The following EXOC6B variants were observed in gnomAD, a reference collection of about 807,000 sequenced individuals.
EXOC6B encodes exocyst complex component 6B, also known as SEC15 homolog B.
In EXOC6B, 54 loss-of-function variants were observed where a neutral mutation model predicts 113.5. The ratio of observed to expected loss-of-function variants is 0.48; its 90% CI spans 0.38 to 0.60. The LOEUF (loss-of-function observed/expected upper bound fraction) is 0.60, where lower values mean the gene tolerates loss of function less well. EXOC6B is among the 20% of genes least tolerant of loss of function. The pLI is 0.00. For synonymous variants in EXOC6B, 357 were observed against 339.0 expected (o/e 1.05, Z -0.58); for missense variants, 797 against 977.5 (o/e 0.82, Z 2.46).
intron 20 of EXOC6B, among the ~76,000 whole-genome samples, chr2:72,205,716 C>T (rs201242755): frequency 1.3e-5 from 2 of 152,118 alleles, no homozygotes; most frequent in East Asian, 1.9e-4. Flanking sequence ...ATGAGGAAGG[C>T]GGTTGATGGC....
chr2:72,741,494 T>C (rs775422617), intron 1 of EXOC6B, 25 bp from the exon 2 acceptor site: 2 of 1,590,206 alleles, frequency 1.3e-6, no homozygotes. Context: ...GGCACGAAGA[T>C]TATACCATGG....
At position 72,428,572 on chromosome 2, in the gene EXOC6B, C is replaced by T. The variant is rs183187633; in HGVS notation, c.1980+36588G>A. 4.0e-3 allele frequency among the ~76,000 whole-genome samples: 611 copies of T among 152,308 alleles called. 12 individuals carry two copies. The highest frequency in any genetic ancestry group is 0.014 in the African/African-American group (598 of 41,568). On this transcript the variant is annotated intron_variant, in intron 18 of 21. Transcript: ENST00000272427. Reference sequence around the variant, plus strand: ...ACACTCCTCCCAATTCCACGCTTGACTTGCAGTCTCCCTTGGAGGCATGGG... The same window carrying T: ...ACACTCCTCCCAATTCCACGCTTGATTTGCAGTCTCCCTTGGAGGCATGGG...
chr2:72,821,304 G>A (rs1260668406), intron 1 of EXOC6B, among the ~76,000 whole-genome samples: 1 of 152,046 alleles, frequency 6.6e-6, no homozygotes, highest in Non-Finnish European at 1.5e-5. Flanking sequence ...GGATGGCAAA[G>A]TAAAAAAGAT....
At position 72,629,701 on chromosome 2, in the gene EXOC6B, C is replaced by T. The variant is rs1672269797; in HGVS notation, c.670-54033G>A. ...TTTTTATTCAATTCCTATTTCTTCA[C>T]CTTGTATAAATACACTGACTAGGAT... On this transcript the variant is annotated intron_variant, in intron 6 of 21. Transcript: ENST00000272427. Among the ~76,000 whole-genome samples the T allele has an allele frequency of 2.0e-5, 3 of 152,114 alleles. No homozygotes were observed. The South Asian group carries it at 6.2e-4, about 32-fold the overall frequency.
intron 6 of EXOC6B, among the ~76,000 whole-genome samples, chr2:72,603,042 T>G (rs1670524187): frequency 6.8e-6 from 1 of 147,274 alleles, no homozygotes; most frequent in Non-Finnish European, 1.5e-5. Context: ...GGAAAGAAAA[T>G]AGTCAGGGTT....
intron 1 of EXOC6B, among the ~76,000 whole-genome samples, chr2:72,760,997 C>T (rs745375317): frequency 1.4e-4 from 22 of 152,094 alleles, no homozygotes; most frequent in Non-Finnish European, 1.2e-4. Flanking sequence ...CTGGCCAACA[C>T]GGCGAAACCC....
chr2:72,352,044 T>C (rs1461942304), intron 19 of EXOC6B, among the ~76,000 whole-genome samples: 1 of 152,188 alleles, frequency 6.6e-6, no homozygotes, highest in African/African-American at 2.4e-5. Flanking sequence ...CTTCCTCACC[T>C]ACTTCACCAC....
At chr2:72,285,326 T>C (rs1685361305) in intron 20 of EXOC6B, among the ~76,000 whole-genome samples, 1 of 151,402 alleles carries the variant, frequency 6.6e-6, no homozygotes, top group African/African-American at 2.4e-5. Context: ...ATAAATACAG[T>C]CAGAAAAATA....
intron 6 of EXOC6B, among the ~76,000 whole-genome samples, chr2:72,714,807 C>A (rs1377688084): frequency 6.6e-6 from 1 of 151,976 alleles, no homozygotes; most frequent in African/African-American, 2.4e-5. Flanking sequence ...CCACTACTTT[C>A]CCAAAGAGAG....
chr2:72,394,199 A>G (rs1331899139), intron 18 of EXOC6B, among the ~76,000 whole-genome samples: 1 of 152,160 alleles, frequency 6.6e-6, no homozygotes, highest in Non-Finnish European at 1.5e-5. Flanking sequence ...CATTAGGTAT[A>G]TTTGCTTAAA....
chr2:72,245,479 C>T (rs1321208353), intron 20 of EXOC6B, among the ~76,000 whole-genome samples: 4 of 152,106 alleles, frequency 2.6e-5, no homozygotes, highest in South Asian at 2.1e-4. Context: ...CATTATTCAA[C>T]GTTAAAAAGA....
intron 18 of EXOC6B, among the ~76,000 whole-genome samples, chr2:72,406,268 C>A (rs1693754237): frequency 6.6e-6 from 1 of 151,970 alleles, no homozygotes; most frequent in Admixed American, 6.5e-5. Flanking sequence ...ACTTTAACAC[C>A]CCACTGTCAA....
At chr2:72,719,536 G>A (rs1318209489) in intron 5 of EXOC6B, among the ~76,000 whole-genome samples, 1 of 152,194 alleles carries the variant, frequency 6.6e-6, no homozygotes, top group Admixed American at 6.5e-5. Flanking sequence ...AGACAGGCAC[G>A]TGGGAAACCT....
intron 8 of EXOC6B, among the ~76,000 whole-genome samples, chr2:72,542,467 G>A (rs1487244436): frequency 6.6e-6 from 1 of 152,118 alleles, no homozygotes; most frequent in Non-Finnish European, 1.5e-5. Flanking sequence ...TGAGTTATAA[G>A]AATCTGAAAA....
chr2:72,708,055 A>C (rs1679002803), intron 6 of EXOC6B, among the ~76,000 whole-genome samples: 1 of 150,132 alleles, frequency 6.7e-6, no homozygotes, highest in Non-Finnish European at 1.5e-5. Context: ...TTAAATTTTC[A>C]AAAAAAAAAT....
intron 20 of EXOC6B, among the ~76,000 whole-genome samples, chr2:72,291,288 G>T (rs1490333152): frequency 6.6e-6 from 1 of 152,106 alleles, no homozygotes; most frequent in African/African-American, 2.4e-5. Context: ...CATTTTCTTA[G>T]CTCCACAACT....
chr2:72,189,597 T>C (rs1004287601), intron 20 of EXOC6B, among the ~76,000 whole-genome samples: 4 of 152,192 alleles, frequency 2.6e-5, no homozygotes, highest in African/African-American at 7.2e-5. Context: ...AAACTGCTGA[T>C]ATCTCAACAC....
At chr2:72,543,574 A>G (rs1702733433) in intron 8 of EXOC6B, among the ~76,000 whole-genome samples, 2 of 152,200 alleles carry the variant, frequency 1.3e-5, no homozygotes, top group Admixed American at 1.3e-4. Flanking sequence ...ATTCAAGGCT[A>G]AATGATATGT....
intron 6 of EXOC6B, among the ~76,000 whole-genome samples, chr2:72,616,687 T>C (rs1338630986): frequency 6.6e-6 from 1 of 152,076 alleles, no homozygotes; most frequent in Non-Finnish European, 1.5e-5. Context: ...CATGATTCAA[T>C]TATCCCCCAC....
Sources: gnomAD v4.1 joint callset for allele counts (sites outside exome capture counted in the v4.1 genomes callset) on GRCh38, gnomAD v4.1.1 for gene constraint, MANE v1.5 for transcripts, NCBI Gene and HGNC (gene_info 2026-07-23, HGNC 2026-07-21) for gene names.